Variants in GDPD5 observed in about 807,000 individuals in gnomAD.
The protein encoded by GDPD5 is glycerophosphodiester phosphodiesterase domain containing 5, also known as glycerophosphodiester phosphodiesterase 2.
GDPD5 carries 48 observed loss-of-function variants against 75.1 expected under a neutral mutation model. The observed-to-expected ratio is 0.64, with a 90% CI of 0.51 to 0.81. GDPD5 has a LOEUF of 0.81. GDPD5 is among the 40% of genes least tolerant of loss of function. The pLI is 0.00. For synonymous variants in GDPD5, 336 were observed against 339.0 expected (o/e 0.99, Z 0.10); for missense variants, 706 against 822.6 (o/e 0.86, Z 1.73).
At position 75,441,155 on chromosome 11, in the gene GDPD5, C is replaced by CA. The variant is rs769801082; in HGVS notation, c.1473+7dup. 2.4e-5 allele frequency: 38 copies of CA among 1,613,260 alleles called. No individual in the cohort carries two copies. The highest frequency in any genetic ancestry group is 3.1e-5 in the Non-Finnish European group (37 of 1,179,642). On this transcript the variant is annotated splice_region_variant and intron_variant, in intron 14 of 16. Transcript: ENST00000336898. Reference sequence around the variant, plus strand: ...TGCCCCCCAGGGGCCCTCTGCCCCCCAACTCACCATGATCCAGAGGGGGGA... The same window carrying CA: ...TGCCCCCCAGGGGCCCTCTGCCCCCCAAACTCACCATGATCCAGAGGGGGGA...
At chr11:75,507,148 G>A (rs1950417799) in intron 1 of GDPD5, 1 of 152,484 alleles carries the variant, frequency 6.6e-6, no homozygotes, top group Non-Finnish European at 1.5e-5. Flanking sequence ...GCTGCCCTGG[G>A]GCCCACCAAT....
chr11:75,489,724 G>T (rs1304555365), intron 2 of GDPD5, among the ~76,000 whole-genome samples: 1 of 151,870 alleles, frequency 6.6e-6, no homozygotes, highest in Non-Finnish European at 1.5e-5. Flanking sequence ...GAAGAGGTCA[G>T]CCTGCCTGGG....
chr11:75,496,514 G>A lies in GDPD5; in HGVS notation c.-144-6194C>T, dbSNP rs78215139. ...ACCTGCCCAGATCCCCTCTTGGGAT[G>A]ACAGGGAGAACCAGTGAGCAGGACG... On this transcript the variant is annotated intron_variant, in intron 1 of 16. Coordinates refer to ENST00000336898, the MANE Select transcript of GDPD5 (RefSeq NM_030792.8). Among the ~76,000 whole-genome samples, 48 of 152,354 alleles carry A rather than the reference G, an allele frequency of 3.2e-4. 1 individual carries two copies. The East Asian group carries it at 6.6e-3, about 21-fold the overall frequency.
chr11:75,441,988 A>G (rs1948829175), intron 12 of GDPD5, among the ~76,000 whole-genome samples, 185 bp from the exon 13 acceptor site: 2 of 152,352 alleles, frequency 1.3e-5, no homozygotes, highest in Admixed American at 1.3e-4. Flanking sequence ...GCAGCAACTC[A>G]GGAAACTTCG....
At chr11:75,521,395 C>G (rs2135517538) in intron 1 of GDPD5, among the ~76,000 whole-genome samples, 1 of 152,328 alleles carries the variant, frequency 6.6e-6, no homozygotes, top group African/African-American at 2.4e-5. Context: ...GCTTGGCTCC[C>G]TGCTCCCTAC....
At chr11:75,463,121 C>G (rs1233587045) in intron 3 of GDPD5, among the ~76,000 whole-genome samples, 1 of 152,170 alleles carries the variant, frequency 6.6e-6, no homozygotes. Flanking sequence ...TCAGGGCCTC[C>G]CCCCCTGGGG....
At chr11:75,513,374 G>A (rs1201793006) in intron 1 of GDPD5, among the ~76,000 whole-genome samples, 1 of 152,160 alleles carries the variant, frequency 6.6e-6, no homozygotes. Flanking sequence ...TTTCACAGAT[G>A]AGCAAACTGA....
intron 1 of GDPD5, among the ~76,000 whole-genome samples, chr11:75,493,229 T>TCA (rs71036055): frequency 0.044 from 6,157 of 140,924 alleles, 183 homozygotes; most frequent in African/African-American, 0.083. Flanking sequence ...CCCACACATC[T>TCA]CACACACACA....
chr11:75,451,266 C>T lies in GDPD5; in HGVS notation c.376-1283G>A, dbSNP rs148352919. 1,385 of 152,318 alleles carry T rather than the reference C, an allele frequency of 9.1e-3. 30 individuals carry two copies. The highest frequency in any genetic ancestry group is 0.069 in the South Asian group (334 of 4,828). The allele number at this position is 152,318 out of a possible 1,614,324, so 9.4% of individuals were successfully genotyped here. On this transcript the variant is annotated intron_variant, in intron 6 of 16. Coordinates refer to ENST00000336898, the MANE Select transcript of GDPD5 (RefSeq NM_030792.8). ...CAAATGTTCCCCCAAGAGACCTGAG[C>T]GAGGCAGGTGAGGAGCTGGAAGGGC...
intron 1 of GDPD5, 86 bp downstream of exon 1, chr11:75,525,124 T>G (rs538123809): frequency 1.3e-4 from 20 of 152,548 alleles, no homozygotes; most frequent in Admixed American, 3.9e-4. Context: ...AGCCTCTGCT[T>G]GTTTCCCCTG....
chr11:75,479,486 G>C (rs1949856716), intron 2 of GDPD5: 2 of 152,176 alleles, frequency 1.3e-5, no homozygotes, highest in African/African-American at 4.8e-5. Context: ...TATAACAGCA[G>C]CCCTAGGAAG....
Position 75,491,146 on chromosome 11 carries a change from A to T in GDPD5, c.-144-826T>A, listed in dbSNP as rs1055806709. On this transcript the variant is annotated intron_variant, in intron 1 of 16. Transcript: ENST00000336898. ...ACACCAGCAAGAAACACATAACCAA[A>T]CACACACCTCTGTGTGTGAACCAGA... is the stretch of plus-strand genomic sequence containing the variant. Among the ~76,000 whole-genome samples the T allele has an allele frequency of 3.3e-5, 5 of 152,082 alleles. No individual in the cohort carries two copies. In the East Asian group the frequency reaches 9.7e-4, roughly 29 times the overall value.
intron 2 of GDPD5, among the ~76,000 whole-genome samples, chr11:75,479,001 G>A (rs138742208): frequency 0.013 from 2,024 of 152,326 alleles, 24 homozygotes; most frequent in South Asian, 0.021. Flanking sequence ...GGGCCTGTGG[G>A]AGGATGGTAT....
chr11:75,520,973 T>G (rs1369011180), intron 1 of GDPD5, among the ~76,000 whole-genome samples: 1 of 152,218 alleles, frequency 6.6e-6, no homozygotes, highest in East Asian at 1.9e-4. Context: ...CCACACAGCC[T>G]GCTGGCCCAG....
intron 6 of GDPD5, 59 bp from the exon 7 acceptor site, chr11:75,450,042 G>A: frequency 7.2e-7 from 1 of 1,394,376 alleles, no homozygotes; most frequent in African/African-American, 1.4e-5. Context: ...TTCCCAGTGT[G>A]TCTGAGAGAG....
At chr11:75,502,410 A>G (rs1359708479) in intron 1 of GDPD5, among the ~76,000 whole-genome samples, 1 of 152,252 alleles carries the variant, frequency 6.6e-6, no homozygotes, top group Non-Finnish European at 1.5e-5. Flanking sequence ...CACATCACGA[A>G]TAAGTTGCAT....
chr11:75,476,489 A>G (rs1242294434), intron 3 of GDPD5, among the ~76,000 whole-genome samples: 3 of 151,804 alleles, frequency 2.0e-5, no homozygotes, highest in Admixed American at 1.3e-4. Flanking sequence ...ACCCCTCCAC[A>G]TAAGAGGGAA....
chr11:75,436,389 A>T lies in GDPD5; in HGVS notation c.1669+547T>A, dbSNP rs1048832296. Among the ~76,000 whole-genome samples, 33 of 150,588 alleles carry T rather than the reference A, an allele frequency of 2.2e-4. 1 individual carries two copies. The highest frequency in any genetic ancestry group is 8.9e-5 in the Non-Finnish European group (6 of 67,648). On this transcript the variant is annotated intron_variant, in intron 16 of 16. Transcript: ENST00000336898. ...CTCATCTTGAAGCCATTACCAAAGC[A>T]CCTCCTCTGCATCCTCCCCATCTCA...
At chr11:75,500,180 C>T (rs930162234) in intron 1 of GDPD5, among the ~76,000 whole-genome samples, 15 of 152,194 alleles carry the variant, frequency 9.9e-5, no homozygotes, top group African/African-American at 3.6e-4. Flanking sequence ...TCCCTCCTCC[C>T]TCTGGCCTCT....
Sources: allele counts gnomAD v4.1 joint callset (sites outside exome capture counted in the v4.1 genomes callset), GRCh38; gene constraint gnomAD v4.1.1; transcripts MANE v1.5; gene names NCBI Gene and HGNC (gene_info 2026-07-23, HGNC 2026-07-21).